The following DDX19B variants were observed in gnomAD, a reference collection of about 807,000 sequenced individuals.
The protein encoded by DDX19B is DEAD-box helicase 19B, also known as ATP-dependent RNA helicase DDX19B.
Under a neutral mutation model 58.1 loss-of-function variants are expected in DDX19B, and 27 were observed. That is an observed-to-expected ratio of 0.46 (90% confidence interval 0.34 to 0.64). The LOEUF (loss-of-function observed/expected upper bound fraction) is 0.64. DDX19B is among the 30% of genes least tolerant of loss of function. The pLI, the probability that DDX19B is intolerant of heterozygous loss-of-function variation, is 0.01. For synonymous variants in DDX19B, 187 were observed against 214.4 expected (o/e 0.87, Z 1.12); for missense variants, 399 against 596.5 (o/e 0.67, Z 3.45).
rs1383984068 is a variant in DDX19B at position 70,334,213 on chromosome 16, GGTTT to G, written c.*634_*637del. 6.4e-6 allele frequency: 1 copy of G among 155,880 alleles called. No homozygotes were observed. Among genetic ancestry groups the G allele is most frequent in the South Asian group, 2.0e-4 (1 of 5,038 alleles). 9.7% of individuals were successfully genotyped at this position (155,880 alleles called of 1,614,324 possible). A position where few individuals can be genotyped will look rare whatever the true frequency, so the allele number is the denominator to read the frequency against. ...TGCCAACCTCTCGGTTGTGTATATGGGTTTGTGTCACAGGACTGTGACCTGTTCT... is the reference window on the plus strand; with the variant it reads ...TGCCAACCTCTCGGTTGTGTATATGGGTGTCACAGGACTGTGACCTGTTCT... On this transcript the variant is annotated 3_prime_UTR_variant, in exon 12 of 12. Transcript: ENST00000288071.
chr16:70,316,143 C>G, intron 4 of DDX19B, 39 bp downstream of exon 4: 1 of 1,612,490 alleles, frequency 6.2e-7, no homozygotes, highest in African/African-American at 1.3e-5. Flanking sequence ...CCCCTTTGCA[C>G]TGAAATAGAG....
chr16:70,331,083 T>G (rs1012995612), intron 9 of DDX19B, among the ~76,000 whole-genome samples: 32 of 152,110 alleles, frequency 2.1e-4, no homozygotes, highest in African/African-American at 7.5e-4. Context: ...TATATGTTGT[T>G]TGTTTGTTTT....
At position 70,335,179 on chromosome 16, in the gene DDX19B, T is replaced by G. The variant is rs190256900; in HGVS notation, c.*1597T>G. The G allele has an allele frequency of 7.9e-5, 12 of 152,334 alleles. No homozygotes were observed. The highest frequency in any genetic ancestry group is 1.5e-4 in the Non-Finnish European group (10 of 68,032). The allele number at this position is 152,334 out of a possible 1,614,324, so 9.4% of individuals were successfully genotyped here. ...TGCTTCTGGTCAACTCTGACACATC[T>G]TGGAATTCTTGTAATAAGAAAAGAA... On this transcript the variant is annotated 3_prime_UTR_variant, in exon 12 of 12. Transcript: ENST00000288071.
chr16:70,312,584 C>T, intron 1 of DDX19B, 25 bp from the exon 2 acceptor site: 2 of 1,609,000 alleles, frequency 1.2e-6, no homozygotes, highest in South Asian at 1.1e-5. Flanking sequence ...TGACACTTTC[C>T]CCCTCCCCCA....
intron 7 of DDX19B, among the ~76,000 whole-genome samples, chr16:70,326,798 A>G (rs1044856561): frequency 6.6e-6 from 1 of 151,312 alleles, no homozygotes; most frequent in African/African-American, 2.4e-5. Context: ...GGCCTCCCAA[A>G]GTGCTGAGAT....
chr16:70,294,520 C>CG (rs1567618543), upstream of DDX19B, among the ~76,000 whole-genome samples: 1 of 152,134 alleles, frequency 6.6e-6, no homozygotes, highest in Non-Finnish European at 1.5e-5. Context: ...GTTTGACCCA[C>CG]GGGGGGAGAT....
rs1046429513 is a variant in DDX19B, at chr16:70,317,236, C to T, written c.297-260C>T. On this transcript the variant is annotated intron_variant, in intron 4 of 11. Coordinates refer to ENST00000288071, the MANE Select transcript of DDX19B (RefSeq NM_007242.7). ...AAAAAAAAAAAAAAAAAAAAATTAG[C>T]GGGGCATGGTGCCATGTACCTGTAA... is the stretch of plus-strand genomic sequence containing the variant. 6.4e-4 allele frequency: 129 copies of T among 201,764 alleles called. 3 individuals are homozygous for T. In the Admixed American group the frequency reaches 7.8e-3, roughly 12 times the overall value. The allele number at this position is 201,764 out of a possible 1,614,324, so 12.5% of individuals were successfully genotyped here. A position where few individuals can be genotyped will look rare whatever the true frequency, so the allele number is the denominator to read the frequency against.
At position 70,312,591 on chromosome 16, in the gene DDX19B, C is replaced by A; in HGVS notation, c.58-18C>A. On this transcript the variant is annotated intron_variant, in intron 1 of 11. Transcript: ENST00000288071. Reference sequence around the variant, plus strand: ...GCTTTTCCTGACACTTTCCCCCTCCCCCATATTCTCCATTTAGTTGAGCAA... The same window carrying A: ...GCTTTTCCTGACACTTTCCCCCTCCACCATATTCTCCATTTAGTTGAGCAA... 1 of 1,611,594 alleles carries A rather than the reference C, an allele frequency of 6.2e-7. No homozygotes were observed. The highest frequency in any genetic ancestry group is 8.5e-7 in the Non-Finnish European group (1 of 1,178,130).
chr16:70,330,812 G>C (rs549663539), intron 9 of DDX19B, among the ~76,000 whole-genome samples: 2 of 152,036 alleles, frequency 1.3e-5, no homozygotes, highest in African/African-American at 4.8e-5. Flanking sequence ...GAGAGGCTGA[G>C]GTGGGGGGAT....
intron 3 of DDX19B, 136 bp from the exon 4 acceptor site, chr16:70,315,833 G>A: frequency 8.2e-7 from 1 of 1,224,432 alleles, no homozygotes; most frequent in South Asian, 2.0e-5. Flanking sequence ...TAATTTATAA[G>A]TCAAAACTAT....
upstream of DDX19B, among the ~76,000 whole-genome samples, chr16:70,293,083 A>G (rs1285957400): frequency 1.4e-5 from 2 of 147,692 alleles, no homozygotes; most frequent in Non-Finnish European, 3.0e-5. Flanking sequence ...TCTGTCTCAA[A>G]AAAATTAAAT....
intron 3 of DDX19B, 157 bp from the exon 4 acceptor site, chr16:70,315,812 T>C: frequency 9.3e-7 from 1 of 1,079,152 alleles, no homozygotes; most frequent in Non-Finnish European, 1.3e-6. Flanking sequence ...TTTTCTTTAA[T>C]AAAACTATTT....
At chr16:70,299,003 A>C, upstream of DDX19B, 1 of 520,930 alleles carries the variant, frequency 1.9e-6, no homozygotes, top group East Asian at 3.8e-5. Context: ...CTTTGGTTGG[A>C]GATCCAAGTT....
chr16:70,316,490 G>A (rs1962419314), intron 4 of DDX19B, among the ~76,000 whole-genome samples: 1 of 152,116 alleles, frequency 6.6e-6, no homozygotes, highest in South Asian at 2.1e-4. Context: ...TTACAGGCAT[G>A]AGCCACCGCA....
At chr16:70,314,985 A>T (rs1962297135) in intron 3 of DDX19B, 30 bp downstream of exon 3, 5 of 1,599,152 alleles carry the variant, frequency 3.1e-6, no homozygotes, top group Non-Finnish European at 4.3e-6. Flanking sequence ...TTATATAATA[A>T]CAAGCTTCTA....
chr16:70,326,993 C>T (rs1363210596), intron 7 of DDX19B, among the ~76,000 whole-genome samples: 1 of 151,776 alleles, frequency 6.6e-6, no homozygotes, highest in East Asian at 2.0e-4. Context: ...CACCACTACG[C>T]CCAGCTAATT....
At chr16:70,297,077 A>T (rs2152180029), upstream of DDX19B, among the ~76,000 whole-genome samples, 1 of 151,888 alleles carries the variant, frequency 6.6e-6, no homozygotes, top group East Asian at 1.9e-4. Flanking sequence ...CACCACACCC[A>T]GCTAATTTTT....
At chr16:70,325,550 C>T in intron 6 of DDX19B, 24 bp from the exon 7 acceptor site, 2 of 1,537,942 alleles carry the variant, frequency 1.3e-6, no homozygotes, top group South Asian at 2.3e-5. Flanking sequence ...CTTGAATTTG[C>T]ACTCTGCATT....
chr16:70,315,921 T>C (rs1437563572), intron 3 of DDX19B, 48 bp from the exon 4 acceptor site: 29 of 1,595,280 alleles, frequency 1.8e-5, no homozygotes, highest in Non-Finnish European at 2.3e-5. Context: ...AAACGCCTGG[T>C]AGGTTTCAAG....
Sources: allele counts gnomAD v4.1 joint callset (sites outside exome capture counted in the v4.1 genomes callset), GRCh38; gene constraint gnomAD v4.1.1; transcripts MANE v1.5; gene names NCBI Gene and HGNC (gene_info 2026-07-23, HGNC 2026-07-21).